NRXN3: variants seen among roughly 807,000 people sequenced by gnomAD.
The protein encoded by NRXN3 is neurexin III.
Under a neutral mutation model 137.6 loss-of-function variants are expected in NRXN3, and 32 were observed. That is an observed-to-expected ratio of 0.23 (90% CI 0.18 to 0.31). The LOEUF (loss-of-function observed/expected upper bound fraction) is 0.31. Ranked by LOEUF, NRXN3 falls within the 10% of genes least tolerant of loss-of-function variation. The pLI is 1.00. For synonymous variants in NRXN3, 798 were observed against 784.5 expected (o/e 1.02, Z -0.29); for missense variants, 1,574 against 2,062.5 (o/e 0.76, Z 4.59).
chr14:79,211,746 C>T (rs1057314839), intron 15 of NRXN3, among the ~76,000 whole-genome samples: 4 of 152,158 alleles, frequency 2.6e-5, no homozygotes, highest in African/African-American at 4.8e-5. Flanking sequence ...GAATTCAAAA[C>T]CCTTGTCTTC....
At chr14:79,642,003 C>A (rs373113281) in intron 16 of NRXN3, among the ~76,000 whole-genome samples, 2 of 135,704 alleles carry the variant, frequency 1.5e-5, no homozygotes, top group East Asian at 3.9e-4. Flanking sequence ...CCTCCAAGTC[C>A]TTGCTTTTCT....
chr14:79,172,040 A>G (rs1276337217), intron 15 of NRXN3, among the ~76,000 whole-genome samples: 2 of 152,196 alleles, frequency 1.3e-5, no homozygotes. Context: ...AGTGAGCACT[A>G]GAGAAAACCT....
intron 15 of NRXN3, among the ~76,000 whole-genome samples, chr14:79,028,883 T>G (rs2099602804): frequency 6.6e-6 from 1 of 152,266 alleles, no homozygotes; most frequent in East Asian, 1.9e-4. Context: ...CACTGCCTGA[T>G]CCATTCTAAA....
At chr14:79,463,754 T>C (rs918549539) in intron 15 of NRXN3, among the ~76,000 whole-genome samples, 5 of 152,122 alleles carry the variant, frequency 3.3e-5, no homozygotes, top group Admixed American at 3.3e-4. Context: ...TGATCTTGCA[T>C]CAGCATACTG....
At chr14:78,788,669 T>C (rs1196435795) in intron 8 of NRXN3, among the ~76,000 whole-genome samples, 1 of 152,190 alleles carries the variant, frequency 6.6e-6, no homozygotes, top group African/African-American at 2.4e-5. Flanking sequence ...GGTCTGCTCT[T>C]AATAGACCTG....
chr14:79,600,584 G>A (rs2097911351), intron 16 of NRXN3, among the ~76,000 whole-genome samples: 1 of 152,186 alleles, frequency 6.6e-6, no homozygotes, highest in African/African-American at 2.4e-5. Flanking sequence ...TTCAGCAGGG[G>A]AGAGATGTGA....
chr14:78,193,714 A>C (rs2060954867), intron 1 of NRXN3, among the ~76,000 whole-genome samples: 1 of 145,912 alleles, frequency 6.9e-6, no homozygotes, highest in South Asian at 2.2e-4. Flanking sequence ...GTGAGCCGAG[A>C]TTGTGCCACT....
intron 4 of NRXN3, among the ~76,000 whole-genome samples, chr14:78,447,853 T>A (rs1045012690): frequency 1.3e-5 from 2 of 152,220 alleles, no homozygotes; most frequent in Non-Finnish European, 2.9e-5. Flanking sequence ...GGCTCAGTAG[T>A]CATAATATCT....
At chr14:79,809,241 T>G (rs531967599) in intron 20 of NRXN3, among the ~76,000 whole-genome samples, 1 of 152,344 alleles carries the variant, frequency 6.6e-6, no homozygotes, top group African/African-American at 2.4e-5. Context: ...AAATCTATAT[T>G]TTTAACAAAT....
At chr14:78,492,209 A>G (rs111460171) in intron 4 of NRXN3, among the ~76,000 whole-genome samples, 2,656 of 152,324 alleles carry the variant, frequency 0.017, 64 homozygotes, top group African/African-American at 0.052. Flanking sequence ...TATCCAAGGT[A>G]TAGAGTATGA....
intron 16 of NRXN3, among the ~76,000 whole-genome samples, chr14:79,580,911 G>A (rs1567565876): frequency 1.3e-5 from 2 of 152,080 alleles, no homozygotes; most frequent in Non-Finnish European, 2.9e-5. Flanking sequence ...AATCCTTTCC[G>A]ATAACTTTTT....
intron 8 of NRXN3, among the ~76,000 whole-genome samples, chr14:78,767,483 G>A (rs1412475396): frequency 1.3e-5 from 2 of 152,194 alleles, no homozygotes; most frequent in African/African-American, 4.8e-5. Context: ...GAAGAGGACC[G>A]TGTCACCCTA....
intron 4 of NRXN3, among the ~76,000 whole-genome samples, chr14:78,334,606 TA>T (rs1299564381): frequency 6.6e-6 from 1 of 152,182 alleles, no homozygotes; most frequent in Non-Finnish European, 1.5e-5. Flanking sequence ...AAGTGCTTAA[TA>T]TGTGTTTATA....
intron 16 of NRXN3, among the ~76,000 whole-genome samples, chr14:79,521,271 A>T (rs575260625): frequency 5.5e-4 from 84 of 152,008 alleles, no homozygotes; most frequent in South Asian, 2.1e-3. Flanking sequence ...TGTTCTATGC[A>T]TGTCTATATG....
At chr14:79,731,611 G>A (rs2098922866) in intron 19 of NRXN3, among the ~76,000 whole-genome samples, 1 of 149,708 alleles carries the variant, frequency 6.7e-6, no homozygotes, top group South Asian at 2.1e-4. Flanking sequence ...GAACTCCTTG[G>A]TTCTCCAAAT....
intron 4 of NRXN3, among the ~76,000 whole-genome samples, chr14:78,593,742 G>A (rs1566838802): frequency 6.6e-6 from 1 of 152,080 alleles, no homozygotes; most frequent in Non-Finnish European, 1.5e-5. Flanking sequence ...TAGAGGACCT[G>A]GTTTAAAGAG....
intron 10 of NRXN3, among the ~76,000 whole-genome samples, chr14:78,947,615 T>C (rs2099368588): frequency 6.6e-6 from 1 of 152,168 alleles, no homozygotes; most frequent in Admixed American, 6.5e-5. Flanking sequence ...AAATTAGAGT[T>C]CCCAAAAGTC....
intron 1 of NRXN3, among the ~76,000 whole-genome samples, chr14:78,238,867 G>A (rs534246244): frequency 1.3e-5 from 2 of 152,330 alleles, no homozygotes; most frequent in Non-Finnish European, 2.9e-5. Context: ...GCCTGGAAGG[G>A]GTGTGTGGCC....
intron 15 of NRXN3, among the ~76,000 whole-genome samples, chr14:79,314,804 C>T (rs569411918): frequency 2.7e-5 from 4 of 145,540 alleles, no homozygotes; most frequent in African/African-American, 5.1e-5. Flanking sequence ...AGCAGGGGTA[C>T]ACTGACACCT....
Sources: gnomAD v4.1 joint callset for allele counts (sites outside exome capture counted in the v4.1 genomes callset) on GRCh38, gnomAD v4.1.1 for gene constraint, MANE v1.5 for transcripts, NCBI Gene and HGNC (gene_info 2026-07-23, HGNC 2026-07-21) for gene names.